VTI1A: variants seen among roughly 807,000 people sequenced by gnomAD.
The protein encoded by VTI1A is vesicle transport through interaction with t-SNAREs 1A.
In VTI1A, 22 loss-of-function variants were observed where a neutral mutation model predicts 34.9. That is an observed-to-expected ratio of 0.63 (90% CI 0.45 to 0.90). The LOEUF is 0.90. Among genes scored for constraint, VTI1A ranks in the 40% least tolerant of loss-of-function variants. The pLI is 0.00. For missense variants in VTI1A, 268 were observed against 275.6 expected, an observed-to-expected ratio of 0.97 and a Z score of 0.20; for synonymous variants, 87 against 97.3, an observed-to-expected ratio of 0.89 and a Z score of 0.62.
intron 5 of VTI1A, among the ~76,000 whole-genome samples, chr10:112,574,408 A>G (rs1014956653): frequency 3.3e-5 from 5 of 152,226 alleles, no homozygotes; most frequent in Non-Finnish European, 5.9e-5. Flanking sequence ...TATGGACCAT[A>G]GTTTGGGAGC....
chr10:112,851,266 G>A, the VTI1A span, among the ~76,000 whole-genome samples: 3 of 152,260 alleles, frequency 2.0e-5, no homozygotes, highest in South Asian at 2.1e-4. Context: ...TTTCTGGGTC[G>A]CCTGTGATAT....
chr10:112,769,977 G>A (rs946335990), intron 7 of VTI1A, among the ~76,000 whole-genome samples: 3 of 152,074 alleles, frequency 2.0e-5, no homozygotes, highest in African/African-American at 7.2e-5. Flanking sequence ...AGGCCCACTG[G>A]GGTCATATCT....
intron 4 of VTI1A, among the ~76,000 whole-genome samples, chr10:112,528,688 C>T (rs2134227247): frequency 6.6e-6 from 1 of 152,180 alleles, no homozygotes; most frequent in South Asian, 2.1e-4. Flanking sequence ...CTGCAAAAAA[C>T]ACTATCTTTT....
At chr10:112,458,642 A>T (rs899643310) in intron 1 of VTI1A, among the ~76,000 whole-genome samples, 1 of 148,930 alleles carries the variant, frequency 6.7e-6, no homozygotes, top group Non-Finnish European at 1.5e-5. Context: ...ATAATTATAT[A>T]TATATTTTTA....
chr10:112,627,617 G>C (rs2134601701), intron 5 of VTI1A, among the ~76,000 whole-genome samples: 1 of 152,140 alleles, frequency 6.6e-6, no homozygotes, highest in South Asian at 2.1e-4. Context: ...CTGTATCTAA[G>C]TACGTTTATA....
intron 3 of VTI1A, among the ~76,000 whole-genome samples, chr10:112,469,868 A>G (rs2134066833): frequency 6.6e-6 from 1 of 152,006 alleles, no homozygotes; most frequent in South Asian, 2.1e-4. Flanking sequence ...TCTCACCATT[A>G]CCCTGCTATG....
chr10:112,713,926 C>T (rs1033812134), intron 7 of VTI1A, among the ~76,000 whole-genome samples: 71 of 152,048 alleles, frequency 4.7e-4, no homozygotes, highest in African/African-American at 1.7e-3. Context: ...CTACACTAGA[C>T]CATAGGCAAG....
chr10:112,464,786 A>T, intron 3 of VTI1A, 129 bp downstream of exon 3: 1 of 757,592 alleles, frequency 1.3e-6, no homozygotes, highest in South Asian at 1.8e-5. Context: ...TTCATTCTTT[A>T]TGAGTTAGGG....
chr10:112,607,476 T>C (rs1845129029), intron 5 of VTI1A, among the ~76,000 whole-genome samples: 1 of 152,170 alleles, frequency 6.6e-6, no homozygotes, highest in Non-Finnish European at 1.5e-5. Context: ...ACTGACTTTG[T>C]CTTATTCATC....
chr10:112,727,477 A>G (rs1044742347), intron 7 of VTI1A, among the ~76,000 whole-genome samples: 1 of 152,182 alleles, frequency 6.6e-6, no homozygotes, highest in Non-Finnish European at 1.5e-5. Flanking sequence ...TACTTACATG[A>G]AAAAAATATG....
At chr10:112,722,066 A>T (rs1445818109) in intron 7 of VTI1A, among the ~76,000 whole-genome samples, 1 of 152,210 alleles carries the variant, frequency 6.6e-6, no homozygotes, top group Admixed American at 6.5e-5. Flanking sequence ...TATTGAGGAA[A>T]GAGAGTTTAG....
chr10:112,596,899 G>C (rs182092142), intron 5 of VTI1A, among the ~76,000 whole-genome samples: 1 of 152,164 alleles, frequency 6.6e-6, no homozygotes, highest in East Asian at 1.9e-4. Context: ...AAATTTGTTG[G>C]TAAGCTTTTT....
intron 7 of VTI1A, among the ~76,000 whole-genome samples, chr10:112,766,402 A>G (rs749123083): frequency 6.6e-6 from 1 of 152,232 alleles, no homozygotes; most frequent in Non-Finnish European, 1.5e-5. Flanking sequence ...AGAGCTGTGT[A>G]TAAACTTAAG....
rs372345473 is a variant in VTI1A at position 112,565,598 on chromosome 10, A to T, written c.427+27268A>T. 3.3e-5 allele frequency among the ~76,000 whole-genome samples: 5 copies of T among 152,268 alleles called. No homozygotes were observed. In the East Asian group the frequency reaches 5.8e-4, roughly 18 times the overall value. ...TAAACCCTTATTTACAACTTACACGACTGGCTGTAGTTTGCTCCTCATGCT... is the reference window on the plus strand; with the variant it reads ...TAAACCCTTATTTACAACTTACACGTCTGGCTGTAGTTTGCTCCTCATGCT... On this transcript the variant is annotated intron_variant, in intron 5 of 7. Coordinates refer to ENST00000393077, the MANE Select transcript of VTI1A (RefSeq NM_145206.4).
At chr10:112,545,828 T>TGC (rs1243660178) in intron 5 of VTI1A, among the ~76,000 whole-genome samples, 1 of 152,156 alleles carries the variant, frequency 6.6e-6, no homozygotes, top group Non-Finnish European at 1.5e-5. Flanking sequence ...CGTGTGTGTG[T>TGC]GCGCACGCGT....
At chr10:112,696,942 T>C (rs1848810851) in intron 7 of VTI1A, among the ~76,000 whole-genome samples, 1 of 152,226 alleles carries the variant, frequency 6.6e-6, no homozygotes, top group Admixed American at 6.5e-5. Context: ...TTGTGTGTTT[T>C]CCTCTTGCCA....
At position 112,817,183 on chromosome 10, in the gene VTI1A, C is replaced by G. The variant is rs768892715; in HGVS notation, c.*1800C>G. The stretch of plus-strand genomic sequence containing the variant: ...CTCATTCCGACACACGAATAGTCAT[C>G]GAGTATTACACCAGCCCCTCTGGTG... On this transcript the variant is annotated 3_prime_UTR_variant, in exon 8 of 8. Transcript: ENST00000393077. The G allele has an allele frequency of 4.3e-6, 1 of 232,580 alleles. No homozygotes were observed. Among genetic ancestry groups the G allele is most frequent in the Admixed American group, 5.6e-5 (1 of 17,774 alleles). 14.4% of individuals were successfully genotyped at this position (232,580 alleles called of 1,614,324 possible). A position where few individuals can be genotyped will look rare whatever the true frequency, so the allele number is the denominator to read the frequency against.
chr10:112,485,965 C>G (rs1848611105), intron 3 of VTI1A, among the ~76,000 whole-genome samples: 1 of 152,136 alleles, frequency 6.6e-6, no homozygotes, highest in African/African-American at 2.4e-5. Flanking sequence ...TTCCCATGCT[C>G]ATTTCCTGCC....
At chr10:112,668,790 G>C in intron 6 of VTI1A, 147 bp from the exon 7 acceptor site, 1 of 817,892 alleles carries the variant, frequency 1.2e-6, no homozygotes, top group South Asian at 1.8e-5. Context: ...TTCCAAGTTT[G>C]TGTAGCTGTC....
Sources: allele counts gnomAD v4.1 joint callset (sites outside exome capture counted in the v4.1 genomes callset), GRCh38; gene constraint gnomAD v4.1.1; transcripts MANE v1.5; gene names NCBI Gene and HGNC (gene_info 2026-07-23, HGNC 2026-07-21).